LYPLAL1: variants seen among roughly 807,000 people sequenced by gnomAD.
LYPLAL1 encodes the protein lysophospholipase-like protein 1.
Under a neutral mutation model 19.7 loss-of-function variants are expected in LYPLAL1, and 23 were observed. The ratio of observed to expected loss-of-function variants is 1.17; its 90% CI spans 0.84 to 1.65. LYPLAL1 has a LOEUF of 1.65. LYPLAL1 is among the 40% of genes most tolerant of loss of function. The pLI, the probability that LYPLAL1 is intolerant of heterozygous loss-of-function variation, is 0.00. For synonymous variants in LYPLAL1, 119 were observed against 96.3 expected (o/e 1.24, Z -1.38); for missense variants, 355 against 279.4 (o/e 1.27, Z -1.93).
At chr1:219,439,972 T>TATATTATATATAC in the LYPLAL1 span, among the ~76,000 whole-genome samples, 1 of 114,074 alleles carries the variant, frequency 8.8e-6, no homozygotes, top group African/African-American at 4.2e-5. Context: ...TATATATATA[T>TATATTATATATAC]ACATATATAT....
At chr1:219,314,096 G>T in the LYPLAL1 span, among the ~76,000 whole-genome samples, 1 of 152,110 alleles carries the variant, frequency 6.6e-6, no homozygotes, top group African/African-American at 2.4e-5. Context: ...TTCTGTTCTG[G>T]TGTCAGTTTT....
the LYPLAL1 span, among the ~76,000 whole-genome samples, chr1:219,328,933 T>A: frequency 6.6e-6 from 1 of 152,206 alleles, no homozygotes; most frequent in East Asian, 1.9e-4. Flanking sequence ...CTTATTAACT[T>A]TTTTTCTTGC....
the LYPLAL1 span, chr1:219,270,965 G>A: frequency 3.9e-5 from 6 of 152,278 alleles, no homozygotes; most frequent in African/African-American, 1.4e-4. Context: ...TTGTATCTGA[G>A]ACGGAGCTTG....
chr1:219,259,408 C>CATATATAT, the LYPLAL1 span, among the ~76,000 whole-genome samples: 2 of 141,844 alleles, frequency 1.4e-5, no homozygotes, highest in African/African-American at 5.2e-5. Context: ...GGTATATATA[C>CATATATAT]ATATATATAT....
chr1:219,318,691 A>C, the LYPLAL1 span, among the ~76,000 whole-genome samples: 7 of 152,184 alleles, frequency 4.6e-5, no homozygotes, highest in Non-Finnish European at 1.0e-4. Context: ...AATTTGACCA[A>C]GGTCATTAGG....
the LYPLAL1 span, among the ~76,000 whole-genome samples, chr1:219,410,778 G>A: frequency 6.6e-6 from 1 of 152,214 alleles, no homozygotes; most frequent in South Asian, 2.1e-4. Flanking sequence ...CCGGGCAATG[G>A]GGGACTTAGC....
intron 3 of LYPLAL1, among the ~76,000 whole-genome samples, chr1:219,207,585 A>T (rs1658674034): frequency 6.6e-6 from 1 of 152,090 alleles, no homozygotes; most frequent in Non-Finnish European, 1.5e-5. Flanking sequence ...TTTAATAAGT[A>T]TAAGCACTTT....
chr1:219,302,753 A>G, the LYPLAL1 span, among the ~76,000 whole-genome samples: 196 of 152,020 alleles, frequency 1.3e-3, no homozygotes, highest in Non-Finnish European at 2.5e-3. Flanking sequence ...TTTCACCTCC[A>G]ATCTTTGTCT....
In LYPLAL1 at chr1:219,179,198, A is replaced by G. The variant is rs1165605765; in HGVS notation, c.143A>G (p.Asp48Gly). ...RMWIKQVLNQ[D>G]LTFQHIKIIY... is the part of the protein sequence containing the mutation. ...TGGATCAAGCAGGTTTTAAATCAAG[A>G]TTTAACATTCCAACACATAAAAATT... is the stretch of plus-strand genomic sequence containing the variant. Residue 48 changes from aspartate (D) to glycine (G), a missense_variant, in exon 2 of 5, where the codon GAT (aspartate) becomes GGT (glycine). Physicochemically the swap from Asp to Gly is moderately conservative, Grantham distance 94. Coordinates refer to ENST00000366928, the MANE Select transcript of LYPLAL1 (RefSeq NM_138794.5). 2.5e-6 allele frequency: 4 copies of G among 1,612,786 alleles called. No individual in the cohort carries two copies. The highest frequency in any genetic ancestry group is 2.5e-6 in the Non-Finnish European group (3 of 1,179,438).
chr1:219,330,557 A>C, the LYPLAL1 span, among the ~76,000 whole-genome samples: 1 of 152,190 alleles, frequency 6.6e-6, no homozygotes, highest in African/African-American at 2.4e-5. Context: ...TGTAGATAGC[A>C]ATGCTTTTAT....
chr1:219,374,136 ATT>A, the LYPLAL1 span, among the ~76,000 whole-genome samples: 32 of 136,302 alleles, frequency 2.3e-4, no homozygotes, highest in Non-Finnish European at 2.2e-4. Flanking sequence ...TTTTGTGTGG[ATT>A]TTTTTTTTTT....
intron 2 of LYPLAL1, among the ~76,000 whole-genome samples, chr1:219,191,673 G>A (rs1461087643): frequency 6.6e-6 from 1 of 151,164 alleles, no homozygotes; most frequent in African/African-American, 2.4e-5. Flanking sequence ...GAGAAGAGGA[G>A]GAATGTAGAG....
chr1:219,443,873 T>A, the LYPLAL1 span, among the ~76,000 whole-genome samples: 5 of 152,312 alleles, frequency 3.3e-5, no homozygotes, highest in African/African-American at 1.2e-4. Flanking sequence ...TAGCTCAGGG[T>A]ACCAGGCTGG....
chr1:219,273,865 G>A, the LYPLAL1 span, among the ~76,000 whole-genome samples: 2 of 152,108 alleles, frequency 1.3e-5, no homozygotes, highest in East Asian at 1.9e-4. Context: ...AGGTTCAAGC[G>A]ATTCTTCTGC....
chr1:219,231,889 A>G, the LYPLAL1 span, among the ~76,000 whole-genome samples: 2 of 152,232 alleles, frequency 1.3e-5, no homozygotes, highest in African/African-American at 2.4e-5. Flanking sequence ...ATTATTTTCT[A>G]TGTGGCATAT....
the LYPLAL1 span, among the ~76,000 whole-genome samples, chr1:219,361,925 A>C: frequency 6.6e-6 from 1 of 152,096 alleles, no homozygotes; most frequent in South Asian, 2.1e-4. Flanking sequence ...TAAAACATTT[A>C]ATCTCTCCTG....
chr1:219,347,681 C>G, the LYPLAL1 span, among the ~76,000 whole-genome samples: 1 of 152,152 alleles, frequency 6.6e-6, no homozygotes, highest in Non-Finnish European at 1.5e-5. Context: ...AGAGGTGTGG[C>G]TAGAATGATT....
At chr1:219,421,755 G>A in the LYPLAL1 span, among the ~76,000 whole-genome samples, 3 of 152,052 alleles carry the variant, frequency 2.0e-5, no homozygotes, top group Non-Finnish European at 2.9e-5. Flanking sequence ...AGGGTGAGGG[G>A]AGCTTCAGGA....
At chr1:219,200,627 CT>C (rs900879055) in intron 3 of LYPLAL1, 8 of 201,604 alleles carry the variant, frequency 4.0e-5, no homozygotes, top group East Asian at 1.3e-4. Flanking sequence ...CACAAGATCT[CT>C]TTTGGGGGTA....
Sources: allele counts gnomAD v4.1 joint callset (sites outside exome capture counted in the v4.1 genomes callset), GRCh38; gene constraint gnomAD v4.1.1; transcripts MANE v1.5; gene names NCBI Gene and HGNC (gene_info 2026-07-23, HGNC 2026-07-21).